The following ANKRD28 variants were observed in gnomAD, a reference collection of about 807,000 sequenced individuals.
The protein encoded by ANKRD28 is ankyrin repeat domain 28.
Under a neutral mutation model 126.5 loss-of-function variants are expected in ANKRD28, and 44 were observed. That is an observed-to-expected ratio of 0.35 (90% CI 0.27 to 0.45). ANKRD28 has a LOEUF of 0.45. Among genes scored for constraint, ANKRD28 ranks in the 20% least tolerant of loss-of-function variants. The pLI is 1.00. For synonymous variants in ANKRD28, 442 were observed against 468.5 expected, an observed-to-expected ratio of 0.94 and a Z score of 0.73; for missense variants, 1,110 against 1,316.6, an observed-to-expected ratio of 0.84 and a Z score of 2.43.
intron 21 of ANKRD28, among the ~76,000 whole-genome samples, chr3:15,683,449 C>T (rs552929997): frequency 3.3e-5 from 5 of 152,074 alleles, no homozygotes; most frequent in South Asian, 2.1e-4. Context: ...CTTGCCTTAG[C>T]GAGTAGAAAT....
intron 4 of ANKRD28, among the ~76,000 whole-genome samples, chr3:15,750,069 G>C (rs1430986905): frequency 1.3e-5 from 2 of 152,290 alleles, no homozygotes; most frequent in East Asian, 3.9e-4. Context: ...TTAAAAATTA[G>C]GAATTAAGTC....
chr3:15,728,922 T>C (rs1486867930), intron 6 of ANKRD28, among the ~76,000 whole-genome samples: 1 of 152,198 alleles, frequency 6.6e-6, no homozygotes, highest in Non-Finnish European at 1.5e-5. Flanking sequence ...GCTTAAACAA[T>C]CAATGTTTTT....
rs115007078 is a variant in ANKRD28 at position 15,756,399 on chromosome 3, A to G, written c.281-4579T>C. On this transcript the variant is annotated intron_variant, in intron 3 of 27. Transcript: ENST00000683139. ...TGAAACAATAGTTTTGTAAAAGAAA[A>G]GGTTACCTAAATCTAGAATTAAATG... 846 of 660,100 alleles carry G rather than the reference A, an allele frequency of 1.3e-3. 5 individuals carry two copies. The African/African-American group carries it at 0.016, about 12-fold the overall frequency. The allele number at this position is 660,100 out of a possible 1,614,324, so 40.9% of individuals were successfully genotyped here.
intron 2 of ANKRD28, among the ~76,000 whole-genome samples, chr3:15,792,169 C>CA (rs1176139453): frequency 6.6e-6 from 1 of 152,044 alleles, no homozygotes; most frequent in Non-Finnish European, 1.5e-5. Context: ...GGAGGTCCCC[C>CA]AAAAAACTAA....
chr3:15,818,583 G>T (rs1213460389), intron 1 of ANKRD28, among the ~76,000 whole-genome samples: 1 of 152,126 alleles, frequency 6.6e-6, no homozygotes, highest in African/African-American at 2.4e-5. Context: ...AAGTTTAACT[G>T]ATAAATTAGG....
intron 1 of ANKRD28, among the ~76,000 whole-genome samples, chr3:15,831,555 T>C (rs930857307): frequency 2.0e-5 from 3 of 152,174 alleles, no homozygotes; most frequent in African/African-American, 4.8e-5. Flanking sequence ...CCAGACACTG[T>C]CAAATTCCCC....
rs2060351384 is a variant in ANKRD28, at chr3:15,797,944, C to T, written c.-1423G>A. 1 of 985,176 alleles carries T rather than the reference C, an allele frequency of 1.0e-6. No individual in the cohort carries two copies. Among genetic ancestry groups the T allele is most frequent in the Non-Finnish European group, 1.2e-6 (1 of 829,914 alleles). 61.0% of individuals were successfully genotyped at this position (985,176 alleles called of 1,614,324 possible). A position where few individuals can be genotyped will look rare whatever the true frequency, so the allele number is the denominator to read the frequency against. ...ACTGCAGACCCACAGGATGAAATGC[C>T]TAGTAATGCTCACATGTTACACTTA... On this transcript the variant is annotated 5_prime_UTR_variant, in exon 1 of 28. Coordinates refer to ENST00000683139, the MANE Select transcript of ANKRD28 (RefSeq NM_001349278.2).
intron 1 of ANKRD28, among the ~76,000 whole-genome samples, chr3:15,841,023 C>A (rs547682208): frequency 8.3e-4 from 126 of 152,304 alleles, no homozygotes; most frequent in African/African-American, 2.9e-3. Context: ...CGCCTGTAAT[C>A]CCAGCTACTC....
chr3:15,765,870 CA>C (rs2058713823), intron 3 of ANKRD28, among the ~76,000 whole-genome samples: 1 of 147,814 alleles, frequency 6.8e-6, no homozygotes, highest in East Asian at 2.0e-4. Flanking sequence ...AAAAACCAAC[CA>C]AAAAAACCCG....
chr3:15,801,711 C>G (rs902561975), upstream of ANKRD28, among the ~76,000 whole-genome samples: 7 of 152,018 alleles, frequency 4.6e-5, no homozygotes, highest in Admixed American at 2.0e-4. The surrounding 1 kb of genome is among the most constrained non-coding windows in gnomAD (Gnocchi z 4.9). Flanking sequence ...CTACACAGGC[C>G]AGAATCCATG....
chr3:15,853,477 T>G lies in ANKRD28; in HGVS notation c.27+5900A>C, dbSNP rs898934325. Among the ~76,000 whole-genome samples, 3 of 152,200 alleles carry G rather than the reference T, an allele frequency of 2.0e-5. No homozygotes were observed. Among genetic ancestry groups the G allele is most frequent in the Admixed American group, 2.0e-4 (3 of 15,284 alleles). Reference sequence around the variant, plus strand: ...TCAATGTTTTATGGTTTTTTTTGTTTTTTTGTTTTTGAGATGGAGTCTCAT... The same window carrying G: ...TCAATGTTTTATGGTTTTTTTTGTTGTTTTGTTTTTGAGATGGAGTCTCAT... On this transcript the variant is annotated intron_variant, in intron 1 of 27. Coordinates refer to the ANKRD28 transcript ENST00000399451. This position sits in a 1 kb window ranked among gnomAD's most constrained non-coding sequence, Gnocchi z 4.2.
intron 12 of ANKRD28, among the ~76,000 whole-genome samples, chr3:15,710,363 A>T (rs750216148): frequency 1.3e-5 from 2 of 152,214 alleles, no homozygotes; most frequent in Non-Finnish European, 2.9e-5. Context: ...CTGTCAAGTG[A>T]TCAGACACTC....
intron 3 of ANKRD28, chr3:15,756,469 G>A: frequency 2.0e-6 from 2 of 983,930 alleles, no homozygotes; most frequent in Non-Finnish European, 2.4e-6. Flanking sequence ...ACAAAAACTT[G>A]ATTTACTTAC....
At chr3:15,670,848 A>G (rs1425379864) in intron 27 of ANKRD28, among the ~76,000 whole-genome samples, 2 of 152,208 alleles carry the variant, frequency 1.3e-5, no homozygotes, top group East Asian at 3.8e-4. Context: ...ATTCACAGAA[A>G]AAACTGGGCT....
In ANKRD28 at chr3:15,695,263, T is replaced by A. The variant is rs559445253; in HGVS notation, c.1660-49A>T. 2.2e-5 allele frequency: 30 copies of A among 1,367,204 alleles called. No individual in the cohort carries two copies. The East Asian group carries it at 2.5e-4, about 11-fold the overall frequency. The allele number at this position is 1,367,204 out of a possible 1,614,324, so 84.7% of individuals were successfully genotyped here. On this transcript the variant is annotated intron_variant, in intron 15 of 27. Transcript: ENST00000683139. ...ATATTTAGCTTGGGAAGTATTCATC[T>A]ATATTAAGTCTCAACTTATATAGAG...
At chr3:15,702,846 A>G (rs2070811075) in intron 14 of ANKRD28, among the ~76,000 whole-genome samples, 1 of 152,022 alleles carries the variant, frequency 6.6e-6, no homozygotes, top group South Asian at 2.1e-4. Context: ...TGGCCCAAAA[A>G]ATCAGTTTTA....
At chr3:15,818,893 C>T (rs567970530) in intron 1 of ANKRD28, among the ~76,000 whole-genome samples, 93 of 152,156 alleles carry the variant, frequency 6.1e-4, no homozygotes, top group South Asian at 1.2e-3. Flanking sequence ...AATCAATAAA[C>T]TGATGTGAAA....
At chr3:15,737,951 T>C (rs1028647360) in intron 4 of ANKRD28, among the ~76,000 whole-genome samples, 2 of 149,830 alleles carry the variant, frequency 1.3e-5, no homozygotes, top group African/African-American at 4.9e-5. Context: ...CAGTGCTGCT[T>C]AGAGAGAAAG....
exon 1 of ANKRD28, chr3:15,859,446 C>T (rs1575840647): frequency 6.8e-7 from 1 of 1,471,100 alleles, no homozygotes; most frequent in Non-Finnish European, 8.9e-7. Context: ...CCTCCTCCGC[C>T]GCTGCCGCTG....
Sources: allele counts gnomAD v4.1 joint callset (sites outside exome capture counted in the v4.1 genomes callset), GRCh38; gene constraint gnomAD v4.1.1; non-coding constraint Gnocchi (gnomAD v3.1); transcripts MANE v1.5; gene names NCBI Gene and HGNC (gene_info 2026-07-23, HGNC 2026-07-21).